DNAH6: variants seen among roughly 807,000 people sequenced by gnomAD.
The protein encoded by DNAH6 is dynein axonemal heavy chain 6.
Under a neutral mutation model 491.4 loss-of-function variants are expected in DNAH6, and 340 were observed. The ratio of observed to expected loss-of-function variants is 0.69; its 90% CI spans 0.63 to 0.76. The LOEUF is 0.76. Among genes scored for constraint, DNAH6 ranks in the 30% least tolerant of loss-of-function variants. The probability of loss-of-function intolerance (pLI) is 0.00; values close to 1 mark genes in which losing one functional copy is unlikely to be tolerated. For synonymous variants in DNAH6, 1,603 were observed against 1,686.1 expected (o/e 0.95, Z 1.21); for missense variants, 4,443 against 4,972.2 (o/e 0.89, Z 3.20).
intron 71 of DNAH6, among the ~76,000 whole-genome samples, chr2:84,806,921 A>G (rs1476327970): frequency 2.0e-5 from 3 of 152,196 alleles, no homozygotes. Context: ...AAACAGAGTC[A>G]TTAAATATAA....
chr2:84,529,435 T>A (rs1460697), intron 4 of DNAH6, among the ~76,000 whole-genome samples: 141,972 of 152,154 alleles, frequency 0.93, 66,360 homozygotes, highest in East Asian at 1. Flanking sequence ...CAGTATTACA[T>A]ATGTATTTTT....
intron 48 of DNAH6, among the ~76,000 whole-genome samples, 199 bp from the exon 49 acceptor site, chr2:84,700,898 C>T (rs911254413): frequency 6.6e-6 from 1 of 152,202 alleles, no homozygotes; most frequent in African/African-American, 2.4e-5. Flanking sequence ...ACATACTGGT[C>T]ACTAAATGCA....
chr2:84,600,670 T>A (rs1384977821), intron 18 of DNAH6, among the ~76,000 whole-genome samples: 4 of 152,050 alleles, frequency 2.6e-5, no homozygotes, highest in Non-Finnish European at 5.9e-5. Context: ...ACAAGACAGG[T>A]AAAGTACCAT....
chr2:84,572,364 A>G (rs1198172412), intron 11 of DNAH6, among the ~76,000 whole-genome samples: 2 of 152,234 alleles, frequency 1.3e-5, no homozygotes, highest in Admixed American at 1.3e-4. Context: ...TTGTTTCAAA[A>G]TAAAAATGTT....
chr2:84,524,848 T>C (rs529102808), intron 2 of DNAH6, among the ~76,000 whole-genome samples: 1 of 152,190 alleles, frequency 6.6e-6, no homozygotes, highest in East Asian at 1.9e-4. Context: ...TTACATAACT[T>C]AGCTCTCCTT....
chr2:84,681,878 C>T (rs1207096369), intron 42 of DNAH6, among the ~76,000 whole-genome samples: 1 of 152,198 alleles, frequency 6.6e-6, no homozygotes, highest in Non-Finnish European at 1.5e-5. Context: ...AATACCGAAC[C>T]CAGTCCCCTC....
chr2:84,575,037 C>T (rs192038224), intron 12 of DNAH6, among the ~76,000 whole-genome samples: 22 of 152,230 alleles, frequency 1.4e-4, no homozygotes, highest in African/African-American at 4.6e-4. Context: ...CTGATGGCTG[C>T]GACTTTGGAG....
chr2:84,656,894 A>G (rs1691025078), intron 35 of DNAH6, among the ~76,000 whole-genome samples: 1 of 152,028 alleles, frequency 6.6e-6, no homozygotes, highest in Non-Finnish European at 1.5e-5. Flanking sequence ...CTTTGGTGTC[A>G]TACCTAAAAA....
intron 9 of DNAH6, among the ~76,000 whole-genome samples, chr2:84,550,840 A>G (rs1196854939): frequency 6.6e-6 from 1 of 152,180 alleles, no homozygotes; most frequent in Non-Finnish European, 1.5e-5. Flanking sequence ...GAGATAAACA[A>G]TAGTTTAGAG....
At chr2:84,529,267 T>C in intron 4 of DNAH6, 101 bp downstream of exon 4, 1 of 963,844 alleles carries the variant, frequency 1.0e-6, no homozygotes, top group Non-Finnish European at 1.5e-6. Context: ...ATATCAAATA[T>C]AATTTTGGTT....
Position 84,624,884 on chromosome 2 carries a change from A to G in DNAH6, c.4354-18A>G. On this transcript the variant is annotated intron_variant, in intron 28 of 76. Transcript: ENST00000389394. Reference sequence around the variant, plus strand: ...AGAGTTGGTTCCCTTCATATTGATAATGCATTGCTTTCTTCAGGATCGCTG... The same window carrying G: ...AGAGTTGGTTCCCTTCATATTGATAGTGCATTGCTTTCTTCAGGATCGCTG... 6.5e-7 allele frequency: 1 copy of G among 1,534,412 alleles called. No homozygotes were observed. Among genetic ancestry groups the G allele is most frequent in the Non-Finnish European group, 8.8e-7 (1 of 1,139,552 alleles).
chr2:84,818,484 CAAAAAAA>C (rs59242387), intron 76 of DNAH6, among the ~76,000 whole-genome samples: 52 of 63,852 alleles, frequency 8.1e-4, no homozygotes, highest in East Asian at 6.5e-3. Flanking sequence ...GACCCTATCT[CAAAAAAA>C]AAAAAAAAAA....
At chr2:84,608,521 T>C (rs1686000256) in intron 21 of DNAH6, among the ~76,000 whole-genome samples, 1 of 152,170 alleles carries the variant, frequency 6.6e-6, no homozygotes, top group South Asian at 2.1e-4. Flanking sequence ...TAAGAGCTCT[T>C]GGGTTACCAG....
chr2:84,759,735 C>A (rs1162818163), intron 63 of DNAH6, among the ~76,000 whole-genome samples: 1 of 152,050 alleles, frequency 6.6e-6, no homozygotes, highest in African/African-American at 2.4e-5. Flanking sequence ...AAAATACCAA[C>A]ATCACTTTTC....
At chr2:84,613,942 A>G (rs917336100) in intron 22 of DNAH6, among the ~76,000 whole-genome samples, 1 of 152,088 alleles carries the variant, frequency 6.6e-6, no homozygotes, top group Non-Finnish European at 1.5e-5. Context: ...CTTTTACTTT[A>G]AATTATCTCG....
the DNAH6 span, among the ~76,000 whole-genome samples, chr2:84,505,284 G>C: frequency 6.6e-6 from 1 of 152,032 alleles, no homozygotes; most frequent in African/African-American, 2.4e-5. Flanking sequence ...AAGATAATTT[G>C]ATCTATGAAT....
intron 40 of DNAH6, among the ~76,000 whole-genome samples, chr2:84,674,809 G>A (rs555659173): frequency 3.9e-5 from 6 of 152,170 alleles, no homozygotes; most frequent in East Asian, 1.9e-4. Flanking sequence ...CCAGGCCAGC[G>A]CTCAGTGGCT....
intron 40 of DNAH6, among the ~76,000 whole-genome samples, chr2:84,673,263 C>T (rs1410997647): frequency 1.1e-5 from 1 of 91,686 alleles, no homozygotes; most frequent in Non-Finnish European, 2.8e-5. Flanking sequence ...CCCATGGTGC[C>T]GTGGGCCCAT....
intron 56 of DNAH6, among the ~76,000 whole-genome samples, chr2:84,712,834 A>G (rs187239757): frequency 6.5e-4 from 99 of 152,328 alleles, no homozygotes; most frequent in African/African-American, 2.3e-3. Context: ...TCTTCTTCTC[A>G]TGGAAATGAA....
Sources: allele counts gnomAD v4.1 joint callset (sites outside exome capture counted in the v4.1 genomes callset), GRCh38; gene constraint gnomAD v4.1.1; transcripts MANE v1.5; gene names NCBI Gene and HGNC (gene_info 2026-07-23, HGNC 2026-07-21).